HTR2C: variants seen among roughly 807,000 people sequenced by gnomAD.
HTR2C encodes 5-hydroxytryptamine (serotonin) receptor 2C, G protein-coupled.
Under a neutral mutation model 21.0 loss-of-function variants are expected in HTR2C, and 5 were observed. The ratio of observed to expected loss-of-function variants is 0.24; its 90% CI spans 0.12 to 0.50. The LOEUF is 0.50. Ranked by LOEUF, HTR2C falls within the 20% of genes least tolerant of loss-of-function variation. HTR2C has a pLI of 0.98. For missense variants in HTR2C, 271 were observed against 371.2 expected, an observed-to-expected ratio of 0.73 and a Z score of 2.22; for synonymous variants, 150 against 145.3, an observed-to-expected ratio of 1.03 and a Z score of -0.23.
rs1162538731 is a variant in HTR2C at position 114,587,725 on chromosome X, A to G, written c.-147+3066A>G. Among the ~76,000 whole-genome samples, 2 of 111,999 alleles carry G rather than the reference A, an allele frequency of 1.8e-5. 1 individual carries two copies. The highest frequency in any genetic ancestry group is 6.5e-5 in the African/African-American group (2 of 30,844). On this transcript the variant is annotated intron_variant, in intron 1 of 5. Transcript: ENST00000276198. ...CAATCTCCAGTCTAATGTGTGCTCA[A>G]GTTATGGATCTCTCCAACACTGCCA...
rs1331713967 is a variant in HTR2C at position 114,806,480 on chromosome X, TATATATATACACC to T, written c.350-41502_350-41490del. 5.9e-3 allele frequency among the ~76,000 whole-genome samples: 21 copies of T among 3,576 alleles called. 2 individuals are homozygous for T. In the East Asian group the frequency reaches 0.43, roughly 73 times the overall value. The allele number at this position is 3,576 out of a possible 115,157, so 3.1% of individuals were successfully genotyped here. A position where few individuals can be genotyped will look rare whatever the true frequency, so the allele number is the denominator to read the frequency against. On this transcript the variant is annotated intron_variant, in intron 4 of 5. Coordinates refer to ENST00000276198, the MANE Select transcript of HTR2C (RefSeq NM_000868.4). ...ATATATACACCATATATATATACTGTATATATATACACCATATATATACACCATATATACACCA... is the reference window on the plus strand; with the variant it reads ...ATATATACACCATATATATATACTGTATATATATACACCATATATACACCA...
chrX:114,706,634 A>G (rs1361368441), intron 2 of HTR2C, among the ~76,000 whole-genome samples: 2 of 103,814 alleles, frequency 1.9e-5, no homozygotes, highest in Admixed American at 1.1e-4. Context: ...TGGGTGCAGC[A>G]CACCAGCATG....
intron 2 of HTR2C, among the ~76,000 whole-genome samples, chrX:114,645,664 A>T (rs1386083557): frequency 8.9e-6 from 1 of 111,844 alleles, no homozygotes; most frequent in Non-Finnish European, 1.9e-5. Flanking sequence ...AGGTACATGC[A>T]CTGTGTGTTT....
chrX:114,655,643 T>G (rs1031541738), intron 2 of HTR2C, among the ~76,000 whole-genome samples: 3 of 111,621 alleles, frequency 2.7e-5, no homozygotes, highest in Admixed American at 9.6e-5. Context: ...ATGACTTGTC[T>G]TCCTACAACT....
intron 5 of HTR2C, among the ~76,000 whole-genome samples, chrX:114,884,992 A>G (rs1327782067): frequency 1.8e-5 from 2 of 110,208 alleles, no homozygotes; most frequent in Non-Finnish European, 3.8e-5. Context: ...GGTGCACTTT[A>G]GAAGAATGTA....
chrX:114,864,287 G>C (rs1343702568), intron 5 of HTR2C, among the ~76,000 whole-genome samples: 1 of 110,544 alleles, frequency 9.0e-6, no homozygotes, highest in Non-Finnish European at 1.9e-5. Context: ...TTTTTCTTTA[G>C]CATTGGTATA....
At chrX:114,734,325 T>G (rs1556423976) in intron 4 of HTR2C, among the ~76,000 whole-genome samples, 4 of 110,123 alleles carry the variant, frequency 3.6e-5, no homozygotes, top group Non-Finnish European at 7.6e-5. Context: ...AAGGAACAAA[T>G]AGGAAAACAG....
At chrX:114,755,143 G>A (rs933828547) in intron 4 of HTR2C, among the ~76,000 whole-genome samples, 3 of 109,373 alleles carry the variant, frequency 2.7e-5, no homozygotes, top group Admixed American at 9.8e-5. Flanking sequence ...GGGAGGCTGA[G>A]GCAGGAGAAT....
chrX:114,841,476 T>A (rs2070832849), intron 4 of HTR2C, among the ~76,000 whole-genome samples: 1 of 112,212 alleles, frequency 8.9e-6, no homozygotes, highest in South Asian at 3.6e-4. Flanking sequence ...GCGCAGTGGC[T>A]CATGCTTGTA....
intron 4 of HTR2C, among the ~76,000 whole-genome samples, chrX:114,795,797 G>A (rs950808645): frequency 2.7e-5 from 3 of 111,298 alleles, no homozygotes; most frequent in East Asian, 2.8e-4. Context: ...GTCATGTAGC[G>A]TGAGTTTAGC....
chrX:114,706,866 A>G (rs1384976283), intron 2 of HTR2C, among the ~76,000 whole-genome samples: 12 of 111,302 alleles, frequency 1.1e-4, no homozygotes, highest in African/African-American at 3.9e-4. Context: ...TTGGTAATCC[A>G]GTCAAGAAAA....
intron 2 of HTR2C, among the ~76,000 whole-genome samples, chrX:114,711,242 TTTTG>T (rs1257246178): frequency 4.5e-5 from 5 of 111,693 alleles, no homozygotes; most frequent in African/African-American, 1.6e-4. Context: ...ATAACAATGA[TTTTG>T]TTTCAGTGCC....
At chrX:114,693,493 A>G (rs1196342811) in intron 2 of HTR2C, among the ~76,000 whole-genome samples, 4 of 111,872 alleles carry the variant, frequency 3.6e-5, no homozygotes, top group African/African-American at 1.3e-4. Flanking sequence ...GTCATGGACA[A>G]GGTATAGCTA....
intron 1 of HTR2C, among the ~76,000 whole-genome samples, chrX:114,603,316 A>G (rs782549829): frequency 9.0e-5 from 10 of 110,861 alleles, no homozygotes; most frequent in African/African-American, 2.6e-4. Flanking sequence ...AGAACTGTAG[A>G]GAGAGATTTG....
At position 114,672,156 on chromosome X, in the gene HTR2C, A is replaced by G. The variant is rs782213450; in HGVS notation, c.-79-54702A>G. Among the ~76,000 whole-genome samples the G allele has an allele frequency of 2.8e-4, 31 of 112,231 alleles. No individual in the cohort carries two copies. In the South Asian group the frequency reaches 0.011, roughly 39 times the overall value. ...AAGTGCTAAATCTGAAAAGTAGAGT[A>G]ACTTGGACTATAAAATTAAAGTTTA... On this transcript the variant is annotated intron_variant, in intron 2 of 5. Transcript: ENST00000276198.
intron 2 of HTR2C, among the ~76,000 whole-genome samples, chrX:114,640,533 G>T (rs7886072): frequency 3.3e-3 from 370 of 112,145 alleles, no homozygotes; most frequent in African/African-American, 0.011. Context: ...TACACAAAAG[G>T]TGTGTGTTAC....
chrX:114,671,975 A>C (rs782612385), intron 2 of HTR2C, among the ~76,000 whole-genome samples: 1 of 111,601 alleles, frequency 9.0e-6, no homozygotes. Context: ...GTACCCAAAC[A>C]TTTGTCTTCT....
intron 4 of HTR2C, among the ~76,000 whole-genome samples, chrX:114,780,235 T>A (rs1556440187): frequency 9.0e-6 from 1 of 111,038 alleles, no homozygotes; most frequent in African/African-American, 3.3e-5. Context: ...CAATCCCTCA[T>A]GAATACCGGG....
intron 4 of HTR2C, among the ~76,000 whole-genome samples, chrX:114,753,599 T>C (rs1556428808): frequency 1.8e-5 from 2 of 111,743 alleles, no homozygotes; most frequent in African/African-American, 6.5e-5. Context: ...CACAAGGGTA[T>C]AAAATCAATG....
Sources: allele counts gnomAD v4.1 joint callset (sites outside exome capture counted in the v4.1 genomes callset), GRCh38; gene constraint gnomAD v4.1.1; transcripts MANE v1.5; gene names NCBI Gene and HGNC (gene_info 2026-07-23, HGNC 2026-07-21).